PRCP: variants seen among roughly 807,000 people sequenced by gnomAD.
The protein encoded by PRCP is lysosomal Pro-X carboxypeptidase.
Under a neutral mutation model 54.2 loss-of-function variants are expected in PRCP, and 46 were observed. That is an observed-to-expected ratio of 0.85 (90% CI 0.67 to 1.09). The LOEUF (loss-of-function observed/expected upper bound fraction) is 1.09. Ranked by LOEUF, PRCP falls within the 50% of genes least tolerant of loss-of-function variation. The pLI is 0.00. For missense variants in PRCP, 613 were observed against 596.8 expected, an observed-to-expected ratio of 1.03 and a Z score of -0.28; for synonymous variants, 240 against 212.2, an observed-to-expected ratio of 1.13 and a Z score of -1.14.
rs1042962281 is a variant in PRCP, at chr11:82,886,043, T to C, written c.168+14192A>G. Among the ~76,000 whole-genome samples, 4 of 152,326 alleles carry C rather than the reference T, an allele frequency of 2.6e-5. No homozygotes were observed. The East Asian group carries it at 7.7e-4, about 29-fold the overall frequency. On this transcript the variant is annotated intron_variant, in intron 1 of 8. Transcript: ENST00000313010. ...TCCAAAATAACTCATAGAGTTATTTTAGAAGTTTTCATAGTCCCCTTCTGA... is the reference window on the plus strand; with the variant it reads ...TCCAAAATAACTCATAGAGTTATTTCAGAAGTTTTCATAGTCCCCTTCTGA...
intron 1 of PRCP, among the ~76,000 whole-genome samples, chr11:82,890,923 T>C (rs1859993477): frequency 6.6e-6 from 1 of 152,230 alleles, no homozygotes; most frequent in African/African-American, 2.4e-5. Context: ...GGTTCCCCAT[T>C]TCCCTGACTT....
At position 82,849,224 on chromosome 11, in the gene PRCP, A is replaced by T; in HGVS notation, c.752-6T>A. 6.2e-7 allele frequency: 1 copy of T among 1,613,812 alleles called. No individual in the cohort carries two copies. Among genetic ancestry groups the T allele is most frequent in the Non-Finnish European group, 8.5e-7 (1 of 1,179,778 alleles). ...AAGCCACTGCAAACCACTGCCTGGG[A>T]ATAGAATCACACTGTTGGAATCTAA... On this transcript the variant is annotated splice_polypyrimidine_tract_variant and splice_region_variant and intron_variant, in intron 5 of 8. Coordinates refer to ENST00000313010, the MANE Select transcript of PRCP (RefSeq NM_005040.4).
At chr11:82,849,257 T>G in intron 5 of PRCP, 39 bp from the exon 6 acceptor site, 1 of 1,602,352 alleles carries the variant, frequency 6.2e-7, no homozygotes, top group Non-Finnish European at 8.5e-7. Flanking sequence ...TAAAAAGTAC[T>G]GGTCAACAGA....
At chr11:82,831,125 G>T (rs1411329940) in intron 8 of PRCP, 1 of 150,762 alleles carries the variant, frequency 6.6e-6, no homozygotes. Flanking sequence ...CCAACAGGGA[G>T]CTTCACTTAG....
At chr11:82,900,867 A>G (rs1860270465), upstream of PRCP, 1 of 458,258 alleles carries the variant, frequency 2.2e-6, no homozygotes. Flanking sequence ...CGTAACGGCA[A>G]TAACAGCTAC....
At chr11:82,876,635 C>T (rs1459437680) in intron 1 of PRCP, among the ~76,000 whole-genome samples, 4 of 152,288 alleles carry the variant, frequency 2.6e-5, no homozygotes, top group African/African-American at 9.6e-5. Context: ...TCAGGGGTTT[C>T]CGCTTTTGCT....
At chr11:82,893,917 G>A (rs182710429) in intron 1 of PRCP, among the ~76,000 whole-genome samples, 1 of 152,138 alleles carries the variant, frequency 6.6e-6, no homozygotes, top group African/African-American at 2.4e-5. Flanking sequence ...AATATTTACG[G>A]TATTTGAAGC....
In PRCP at chr11:82,850,312, A is replaced by G. The variant is rs755631690; in HGVS notation, c.593+12T>C. The G allele has an allele frequency of 3.3e-6, 5 of 1,502,276 alleles. No individual in the cohort carries two copies. Among genetic ancestry groups the G allele is most frequent in the Non-Finnish European group, 4.5e-6 (5 of 1,120,694 alleles). 93.1% of individuals were successfully genotyped at this position (1,502,276 alleles called of 1,614,324 possible). On this transcript the variant is annotated intron_variant, in intron 4 of 8. Transcript: ENST00000313010. ...ATTAAGAAACGTTCATGTCCAGTACAAATGCACTTACCCAACTACCATATG... is the reference window on the plus strand; with the variant it reads ...ATTAAGAAACGTTCATGTCCAGTACGAATGCACTTACCCAACTACCATATG...
intron 1 of PRCP, among the ~76,000 whole-genome samples, chr11:82,860,412 T>A (rs373681362): frequency 2.0e-5 from 3 of 152,082 alleles, no homozygotes; most frequent in African/African-American, 7.2e-5. Flanking sequence ...TAAAATTGAA[T>A]TGTAAATACA....
At chr11:82,853,829 T>G (rs568272198) in intron 2 of PRCP, among the ~76,000 whole-genome samples, 1 of 152,268 alleles carries the variant, frequency 6.6e-6, no homozygotes, top group Admixed American at 6.5e-5. Context: ...GCTTTATTCC[T>G]GGATGCAAGG....
chr11:82,863,099 A>C (rs546910185), intron 1 of PRCP, among the ~76,000 whole-genome samples: 1 of 152,228 alleles, frequency 6.6e-6, no homozygotes, highest in African/African-American at 2.4e-5. Flanking sequence ...CTTGCTGAAA[A>C]TGCAATCCCC....
chr11:82,883,543 C>A (rs1355099272), intron 1 of PRCP, among the ~76,000 whole-genome samples: 2 of 152,054 alleles, frequency 1.3e-5, no homozygotes, highest in Non-Finnish European at 2.9e-5. Flanking sequence ...AAAGGTTGAT[C>A]CTAAAATATA....
intron 8 of PRCP, chr11:82,835,954 A>G (rs1240245785): frequency 2.0e-5 from 6 of 301,960 alleles, no homozygotes; most frequent in Non-Finnish European, 3.9e-5. Context: ...GCAATTTGGG[A>G]GGCCGAGTCA....
chr11:82,830,771 G>A (rs1431833862), intron 8 of PRCP: 1 of 151,384 alleles, frequency 6.6e-6, no homozygotes, highest in African/African-American at 2.4e-5. Flanking sequence ...ACTACATAAG[G>A]AGTTGGATTC....
rs146724473 is a variant in PRCP, at chr11:82,831,900, T to A, written c.1274+6487A>T. ...CACCCCCCGACAGGCCCCAGTGTGT[T>A]ATGTTCCCCTCCCTGAGTCCATGTG... On this transcript the variant is annotated intron_variant, in intron 8 of 8. Transcript: ENST00000313010. 8.5e-3 allele frequency among the ~76,000 whole-genome samples: 1,287 copies of A among 152,102 alleles called. 15 individuals carry two copies. The highest frequency in any genetic ancestry group is 0.016 in the South Asian group (75 of 4,790).
chr11:82,900,138 G>C, intron 1 of PRCP, 97 bp downstream of exon 1: 37 of 1,439,982 alleles, frequency 2.6e-5, no homozygotes, highest in Non-Finnish European at 3.4e-5. Flanking sequence ...AGGCATCAAG[G>C]GGTGTGAATT....
intron 1 of PRCP, among the ~76,000 whole-genome samples, chr11:82,864,522 G>C (rs1443341386): frequency 6.6e-6 from 1 of 152,180 alleles, no homozygotes; most frequent in Non-Finnish European, 1.5e-5. Context: ...GAAGAAATTA[G>C]GCTCGAAGAG....
chr11:82,879,690 G>C (rs1859699849), intron 1 of PRCP, among the ~76,000 whole-genome samples: 1 of 152,222 alleles, frequency 6.6e-6, no homozygotes, highest in Admixed American at 6.5e-5. Context: ...GGTCTTTGAT[G>C]ATGGTGACGT....
intron 6 of PRCP, among the ~76,000 whole-genome samples, chr11:82,841,347 C>T (rs1858666720): frequency 2.0e-5 from 3 of 151,596 alleles, no homozygotes; most frequent in Admixed American, 2.0e-4. Flanking sequence ...ATATATTCTG[C>T]ACCACAATAT....
Sources: allele counts gnomAD v4.1 joint callset (sites outside exome capture counted in the v4.1 genomes callset), GRCh38; gene constraint gnomAD v4.1.1; transcripts MANE v1.5; gene names NCBI Gene and HGNC (gene_info 2026-07-23, HGNC 2026-07-21).